KCNK2: variants seen among roughly 807,000 people sequenced by gnomAD.
KCNK2 encodes potassium channel subfamily K member 2.
In KCNK2, 21 loss-of-function variants were observed where a neutral mutation model predicts 40.5. The ratio of observed to expected loss-of-function variants is 0.52; its 90% CI spans 0.37 to 0.75. KCNK2 has a LOEUF of 0.75. KCNK2 is among the 30% of genes least tolerant of loss of function. KCNK2 has a pLI of 0.00. For synonymous variants in KCNK2, 191 were observed against 202.2 expected, an observed-to-expected ratio of 0.94 and a Z score of 0.47; for missense variants, 399 against 531.6, an observed-to-expected ratio of 0.75 and a Z score of 2.45.
At chr1:215,148,864 G>A (rs777327309) in intron 3 of KCNK2, among the ~76,000 whole-genome samples, 1 of 152,150 alleles carries the variant, frequency 6.6e-6, no homozygotes, top group Non-Finnish European at 1.5e-5. Flanking sequence ...CACGATAATT[G>A]AAGGTCCACC....
At chr1:215,120,696 T>C (rs2102575646) in intron 2 of KCNK2, among the ~76,000 whole-genome samples, 1 of 152,264 alleles carries the variant, frequency 6.6e-6, no homozygotes, top group African/African-American at 2.4e-5. Flanking sequence ...AAGCAACTCT[T>C]TCAGATTTAT....
At chr1:215,039,588 T>C (rs905664874) in intron 1 of KCNK2, among the ~76,000 whole-genome samples, 8 of 152,102 alleles carry the variant, frequency 5.3e-5, no homozygotes, top group African/African-American at 1.9e-4. Context: ...ATCACAAAAC[T>C]TAGAGAGGAG....
At chr1:215,085,415 A>T (rs1342696466) in intron 1 of KCNK2, among the ~76,000 whole-genome samples, 1 of 152,150 alleles carries the variant, frequency 6.6e-6, no homozygotes, top group Non-Finnish European at 1.5e-5. Context: ...TATATTTTTG[A>T]AAAAGAAATC....
intron 1 of KCNK2, among the ~76,000 whole-genome samples, chr1:215,064,813 A>G (rs965962813): frequency 6.6e-6 from 1 of 152,150 alleles, no homozygotes; most frequent in Non-Finnish European, 1.5e-5. Flanking sequence ...TTGTAATTAT[A>G]TTATATTATT....
intron 2 of KCNK2, among the ~76,000 whole-genome samples, chr1:215,117,870 C>T (rs142008456): frequency 6.6e-6 from 1 of 152,132 alleles, no homozygotes; most frequent in Non-Finnish European, 1.5e-5. Context: ...TCCTGCTGCC[C>T]CTTAGTGGAA....
chr1:215,189,290 GAA>G (rs1664569498), intron 5 of KCNK2, among the ~76,000 whole-genome samples: 1 of 152,182 alleles, frequency 6.6e-6, no homozygotes, highest in Non-Finnish European at 1.5e-5. Context: ...AAATTGAGGA[GAA>G]AAGCATTCAG....
At chr1:215,116,224 T>C (rs906009405) in intron 2 of KCNK2, among the ~76,000 whole-genome samples, 1 of 152,108 alleles carries the variant, frequency 6.6e-6, no homozygotes, top group African/African-American at 2.4e-5. Flanking sequence ...CCTTGGAATA[T>C]GCTTATGTTA....
intron 2 of KCNK2, among the ~76,000 whole-genome samples, chr1:215,100,670 A>T (rs531272959): frequency 6.6e-6 from 1 of 152,124 alleles, no homozygotes; most frequent in Admixed American, 6.6e-5. Flanking sequence ...GGTTTCTCAG[A>T]ACACCCAATT....
At position 215,082,811 on chromosome 1, in the gene KCNK2, C is replaced by T. The variant is rs2102524987; in HGVS notation, c.-575C>T. On this transcript the variant is annotated 5_prime_UTR_variant, in exon 1 of 7. Coordinates refer to ENST00000444842, the MANE Select transcript of KCNK2 (RefSeq NM_001017425.3). ...GGAGGGCTGCAGAGCTGCGGGCGCC[C>T]GGACCGTGCCACACACCCCCCGCGG... Among the ~76,000 whole-genome samples the T allele has an allele frequency of 6.6e-6, 1 of 152,122 alleles. No individual in the cohort carries two copies. Among genetic ancestry groups the T allele is most frequent in the South Asian group, 2.1e-4 (1 of 4,832 alleles).
At position 215,203,986 on chromosome 1, in the gene KCNK2, C is replaced by T. The variant is rs77411813; in HGVS notation, c.963+8894C>T. Among the ~76,000 whole-genome samples, 4 of 121,246 alleles carry T rather than the reference C, an allele frequency of 3.3e-5. No homozygotes were observed. In the East Asian group the frequency reaches 8.4e-4, roughly 26 times the overall value. 79.5% of individuals were successfully genotyped at this position (121,246 alleles called of 152,430 possible). On this transcript the variant is annotated intron_variant, in intron 6 of 6. Transcript: ENST00000444842. ...CCGGGAGGTGGAGCTTGCAGTGAGC[C>T]GAGATCGCGCCACTGCACTCCAGCC... is the stretch of plus-strand genomic sequence containing the variant.
chr1:215,210,400 T>C lies in KCNK2; in HGVS notation c.963+15308T>C, dbSNP rs530515087. On this transcript the variant is annotated intron_variant, in intron 6 of 6. Coordinates refer to ENST00000444842, the MANE Select transcript of KCNK2 (RefSeq NM_001017425.3). ...AAGAATTGCTTTCCTATTTTGAAGC[T>C]TCATGAAGTGCAGTATGCAAACTAC... Among the ~76,000 whole-genome samples, 3 of 152,082 alleles carry C rather than the reference T, an allele frequency of 2.0e-5. No individual in the cohort carries two copies. In the South Asian group the frequency reaches 6.2e-4, roughly 32 times the overall value.
chr1:215,094,054 A>C (rs1028930459), intron 2 of KCNK2, among the ~76,000 whole-genome samples: 1 of 147,548 alleles, frequency 6.8e-6, no homozygotes, highest in Non-Finnish European at 1.5e-5. Flanking sequence ...GCACCAACCT[A>C]ATACAATGAT....
At chr1:215,116,626 C>T (rs1233719572) in intron 2 of KCNK2, among the ~76,000 whole-genome samples, 2 of 151,946 alleles carry the variant, frequency 1.3e-5, no homozygotes, top group African/African-American at 4.8e-5. Flanking sequence ...TGCATAATCC[C>T]CAAATGGAAG....
chr1:215,197,930 C>T (rs554258070), intron 6 of KCNK2, among the ~76,000 whole-genome samples: 6 of 152,086 alleles, frequency 3.9e-5, no homozygotes, highest in South Asian at 2.1e-4. Flanking sequence ...ACCTGGGAGG[C>T]GAAGGTTGCA....
chr1:215,191,492 A>AT (rs1396785071), intron 5 of KCNK2, among the ~76,000 whole-genome samples: 2 of 151,958 alleles, frequency 1.3e-5, no homozygotes, highest in Non-Finnish European at 2.9e-5. Context: ...CCTGAGCTAT[A>AT]TTTTTTGTAG....
intron 6 of KCNK2, among the ~76,000 whole-genome samples, chr1:215,232,854 C>A (rs1394029426): frequency 6.6e-6 from 1 of 152,072 alleles, no homozygotes; most frequent in Non-Finnish European, 1.5e-5. Context: ...CATTTTAGAT[C>A]CATCAGTTCT....
chr1:215,235,435 T>C lies in KCNK2; in HGVS notation c.*290T>C. On this transcript the variant is annotated 3_prime_UTR_variant, in exon 7 of 7. Transcript: ENST00000444842. ...TCCTCTCTCTTTCCCTAATGTGCCA[T>C]AAGGCCTCAGAATGAATGAGAATTG... is the stretch of plus-strand genomic sequence containing the variant. 3.1e-6 allele frequency: 1 copy of C among 325,534 alleles called. No individual in the cohort carries two copies. The allele number at this position is 325,534 out of a possible 1,614,324, so 20.2% of individuals were successfully genotyped here. A position where few individuals can be genotyped will look rare whatever the true frequency, so the allele number is the denominator to read the frequency against.
intron 6 of KCNK2, among the ~76,000 whole-genome samples, chr1:215,205,994 A>T (rs1216406101): frequency 6.6e-6 from 1 of 152,194 alleles, no homozygotes; most frequent in Non-Finnish European, 1.5e-5. Flanking sequence ...CTTATTTAAG[A>T]TTCACTAGTA....
intron 2 of KCNK2, among the ~76,000 whole-genome samples, chr1:215,093,736 TAATATAAAAA>T (rs1659817076): frequency 8.9e-5 from 8 of 90,068 alleles, no homozygotes; most frequent in Non-Finnish European, 1.4e-4. Flanking sequence ...ATATAATATA[TAATATAAAAA>T]TATATTATAT....
Sources: gnomAD v4.1 joint callset for allele counts (sites outside exome capture counted in the v4.1 genomes callset) on GRCh38, gnomAD v4.1.1 for gene constraint, MANE v1.5 for transcripts, NCBI Gene and HGNC (gene_info 2026-07-23, HGNC 2026-07-21) for gene names.